The following CASZ1 variants were observed in gnomAD, a reference collection of about 807,000 sequenced individuals.
CASZ1 encodes castor zinc finger 1.
A neutral mutation model predicts 135.2 loss-of-function variants in CASZ1; 28 were observed. That is an observed-to-expected ratio of 0.21 (90% CI 0.15 to 0.28). CASZ1 has a LOEUF of 0.28. Ranked by LOEUF, CASZ1 falls within the 10% of genes least tolerant of loss-of-function variation. The probability of loss-of-function intolerance (pLI) is 1.00; values close to 1 mark genes in which losing one functional copy is unlikely to be tolerated. For missense variants in CASZ1, 2,161 were observed against 2,453.3 expected, an observed-to-expected ratio of 0.88 and a Z score of 2.52; for synonymous variants, 1,068 against 1,073.4, an observed-to-expected ratio of 0.99 and a Z score of 0.10.
At chr1:10,661,040 T>C (rs958502746) in intron 5 of CASZ1, 11 of 186,008 alleles carry the variant, frequency 5.9e-5, no homozygotes, top group Non-Finnish European at 1.1e-4. Context: ...AGGACCTCCC[T>C]TGACCCCACA....
chr1:10,660,158 G>A lies in CASZ1; in HGVS notation c.884C>T (p.Pro295Leu), dbSNP rs373528343. ...LETKATILPLPSHSSVQMQNL... is the reference protein window; with the variant it reads ...LETKATILPLLSHSSVQMQNL... ...CTGCATCTGGACACTGCTGTGCGACGGCAGGGGCAGGATGGTGGCCTTGGT... is the reference window on the plus strand; with the variant it reads ...CTGCATCTGGACACTGCTGTGCGACAGCAGGGGCAGGATGGTGGCCTTGGT... Residue 295 changes from proline (P) to leucine (L), a missense_variant, in exon 6 of 21, where the codon CCG (proline) becomes CTG (leucine). Pro to Leu is a moderately conservative substitution (Grantham distance 98, BLOSUM62 -3). This residue lies in a region of CASZ1 where 590 missense variants were observed against 609.8 expected (regional missense o/e 0.97). Coordinates refer to ENST00000377022, the MANE Select transcript of CASZ1 (RefSeq NM_001079843.3). 7.4e-6 allele frequency: 12 copies of A among 1,613,932 alleles called. No individual in the cohort carries two copies. Among genetic ancestry groups the A allele is most frequent in the Middle Eastern group, 1.6e-4 (1 of 6,084 alleles).
At position 10,711,969 on chromosome 1, in the gene CASZ1, TG is replaced by T. The variant is rs1253074252; in HGVS notation, c.-76-6426del. Reference sequence around the variant, plus strand: ...TGCTAAGGGGTTCAGGGTTTCTGTCTGGAGTGATGAAAAAGTTCTGGAACTA... The same window carrying T: ...TGCTAAGGGGTTCAGGGTTTCTGTCTGAGTGATGAAAAAGTTCTGGAACTA... On this transcript the variant is annotated intron_variant, in intron 2 of 20. Coordinates refer to ENST00000377022, the MANE Select transcript of CASZ1 (RefSeq NM_001079843.3). This position sits in a 1 kb window ranked among gnomAD's most constrained non-coding sequence, Gnocchi z 4.4. Among the ~76,000 whole-genome samples, 38 of 152,308 alleles carry T rather than the reference TG, an allele frequency of 2.5e-4. No homozygotes were observed. The highest frequency in any genetic ancestry group is 8.7e-4 in the African/African-American group (36 of 41,568).
In CASZ1 at chr1:10,792,339, CCGG is replaced by C. The variant is rs1192996350; in HGVS notation, c.-234+4222_-234+4224del. The stretch of plus-strand genomic sequence containing the variant: ...ACCCCTCCCCCCCGCCCCCCCCCCC[CCGG>C]CCCCGCACACAAAGTAAATGGAAAT... On this transcript the variant is annotated intron_variant, in intron 1 of 20. Coordinates refer to ENST00000377022, the MANE Select transcript of CASZ1 (RefSeq NM_001079843.3). 4.0e-4 allele frequency among the ~76,000 whole-genome samples: 14 copies of C among 34,796 alleles called. 1 individual carries two copies. Among genetic ancestry groups the C allele is most frequent in the Non-Finnish European group, 5.7e-4 (7 of 12,326 alleles). 22.8% of individuals were successfully genotyped at this position (34,796 alleles called of 152,430 possible).
rs1638804201 is a variant in CASZ1 at position 10,692,614 on chromosome 1, C to T, written c.16+1260G>A. Among the ~76,000 whole-genome samples the T allele has an allele frequency of 1.3e-5, 2 of 152,168 alleles. 1 individual carries two copies. The highest frequency in any genetic ancestry group is 1.3e-4 in the Admixed American group (2 of 15,282). On this transcript the variant is annotated intron_variant, in intron 4 of 20. Coordinates refer to ENST00000377022, the MANE Select transcript of CASZ1 (RefSeq NM_001079843.3). ...CCCAGGCCCTCCACGTCAGACCAGC[C>T]AAGATCACACCTGGTGTCACACAGT...
chr1:10,678,438 T>G (rs956749050), intron 4 of CASZ1, among the ~76,000 whole-genome samples: 1 of 140,496 alleles, frequency 7.1e-6, no homozygotes, highest in Non-Finnish European at 1.6e-5. Context: ...GGGGGTCTGT[T>G]CCAGAGTGGG....
chr1:10,648,234 T>C, intron 15 of CASZ1, 95 bp from the exon 16 acceptor site: 1 of 905,680 alleles, frequency 1.1e-6, no homozygotes. Context: ...GACCCCGGTG[T>C]CCGTCCCTAC....
At chr1:10,746,857 T>C (rs1640050729) in intron 2 of CASZ1, among the ~76,000 whole-genome samples, 1 of 152,254 alleles carries the variant, frequency 6.6e-6, no homozygotes, top group Non-Finnish European at 1.5e-5. Context: ...CCAAAAGCCC[T>C]GGCTCCTGGG....
rs751022373 is a variant in CASZ1, at chr1:10,654,056, G to A, written c.2001C>T (p.His667=). The A allele has an allele frequency of 6.2e-7, 1 of 1,614,130 alleles. No homozygotes were observed. The highest frequency in any genetic ancestry group is 8.5e-7 in the Non-Finnish European group (1 of 1,180,048). The change falls in exon 11 of 21, where the codon CAC becomes CAT. Residue 667 remains histidine (H), a synonymous_variant. Transcript: ENST00000377022. ...CGCAGCCGGCGCGGATGCAGTGGAA[G>A]TGGTTGGTAGCCTTGCTGTACACGC... ...EGCVYSKATN[H]FHCIRAGCGF...
Position 10,725,290 on chromosome 1 carries a change from G to A in CASZ1, c.-76-19746C>T, listed in dbSNP as rs901183222. Reference sequence around the variant, plus strand: ...TGCCAGGCCCCTCCACCGTGCCAATGCCAACACCGTGGCCGCCTCCCGCTG... The same window carrying A: ...TGCCAGGCCCCTCCACCGTGCCAATACCAACACCGTGGCCGCCTCCCGCTG... On this transcript the variant is annotated intron_variant, in intron 2 of 20. Coordinates refer to ENST00000377022, the MANE Select transcript of CASZ1 (RefSeq NM_001079843.3). The surrounding 1 kb of genome is among the most constrained non-coding windows in gnomAD (Gnocchi z 4.4). Among the ~76,000 whole-genome samples the A allele has an allele frequency of 1.3e-5, 2 of 152,248 alleles. No homozygotes were observed. The highest frequency in any genetic ancestry group is 4.8e-5 in the African/African-American group (2 of 41,464).
At chr1:10,753,650 C>T (rs557490831) in intron 2 of CASZ1, among the ~76,000 whole-genome samples, 10 of 152,126 alleles carry the variant, frequency 6.6e-5, no homozygotes, top group South Asian at 4.1e-4. Flanking sequence ...TGTTTCTGAG[C>T]GGCTCCCCAG....
At chr1:10,702,738 G>A (rs1283033417) in intron 3 of CASZ1, among the ~76,000 whole-genome samples, 1 of 152,188 alleles carries the variant, frequency 6.6e-6, no homozygotes, top group Non-Finnish European at 1.5e-5. Flanking sequence ...CGGGGGAAGT[G>A]GCCACGGTGG....
intron 1 of CASZ1, among the ~76,000 whole-genome samples, chr1:10,770,355 G>T (rs1376041633): frequency 6.6e-6 from 1 of 152,214 alleles, no homozygotes; most frequent in Admixed American, 6.5e-5. Flanking sequence ...AAAGTGCTGG[G>T]AGTACAGGTG....
At chr1:10,736,732 C>T (rs535549254) in intron 2 of CASZ1, among the ~76,000 whole-genome samples, 2 of 152,244 alleles carry the variant, frequency 1.3e-5, no homozygotes, top group African/African-American at 4.8e-5. Flanking sequence ...GAGTGAACCA[C>T]CAGCTTGTCC....
At chr1:10,655,498 A>T (rs1570421926) in intron 9 of CASZ1, 151 bp downstream of exon 9, 2 of 767,694 alleles carry the variant, frequency 2.6e-6, no homozygotes, top group East Asian at 5.4e-5. Flanking sequence ...CTCGCTGGCC[A>T]TCCCTGTGCT....
At chr1:10,795,595 T>G (rs1641050887) in intron 1 of CASZ1, among the ~76,000 whole-genome samples, 1 of 151,960 alleles carries the variant, frequency 6.6e-6, no homozygotes, top group Non-Finnish European at 1.5e-5. Flanking sequence ...CGGCAACAAC[T>G]CGCCCGAACT....
At position 10,693,920 on chromosome 1, in the gene CASZ1, G is replaced by A; in HGVS notation, c.-23-8C>T. 1 of 1,612,602 alleles carries A rather than the reference G, an allele frequency of 6.2e-7. No homozygotes were observed. Among genetic ancestry groups the A allele is most frequent in the Non-Finnish European group, 8.5e-7 (1 of 1,179,174 alleles). On this transcript the variant is annotated splice_region_variant and splice_polypyrimidine_tract_variant and intron_variant, in intron 3 of 20. Transcript: ENST00000377022. ...TCTCCTTGGTCCCAAACTCTTCGCA[G>A]AACGCCACCAGGGGAAGACCGGGAG... is the stretch of plus-strand genomic sequence containing the variant.
At position 10,767,959 on chromosome 1, in the gene CASZ1, C is replaced by A. The variant is rs1443780867; in HGVS notation, c.-233-7102G>T. 6.6e-6 allele frequency among the ~76,000 whole-genome samples: 1 copy of A among 152,132 alleles called. No individual in the cohort carries two copies. The highest frequency in any genetic ancestry group is 2.4e-5 in the African/African-American group (1 of 41,396). ...CATTGCAAGGTCTTCCTGGAGCAGA[C>A]CCCAGACCTGGGACCCCAGACTCCA... is the stretch of plus-strand genomic sequence containing the variant. On this transcript the variant is annotated intron_variant, in intron 1 of 20. Transcript: ENST00000377022. The surrounding 1 kb of genome is among the most constrained non-coding windows in gnomAD (Gnocchi z 4.2).
chr1:10,648,481 C>T (rs1642446073), intron 15 of CASZ1: 3 of 272,002 alleles, frequency 1.1e-5, no homozygotes, highest in Admixed American at 9.4e-5. Flanking sequence ...GTAGGATTCT[C>T]AGTATTCACA....
chr1:10,643,146 G>GA lies in CASZ1; in HGVS notation c.4020+13_4020+14insT. The GA allele has an allele frequency of 6.2e-7, 1 of 1,609,464 alleles. No individual in the cohort carries two copies. The highest frequency in any genetic ancestry group is 2.1e-4 in the Middle Eastern group (1 of 4,828). On this transcript the variant is annotated intron_variant, in intron 19 of 20. Transcript: ENST00000377022. ...GCCACCCTGGCTGGGCTCTCACCTG[G>GA]GGGGGGCTCTCACCTGGGAGGGGGG...
Sources: gnomAD v4.1 joint callset for allele counts (sites outside exome capture counted in the v4.1 genomes callset) on GRCh38, gnomAD v4.1.1 for gene constraint, gnomAD v4.1.1 regional missense constraint, Gnocchi (gnomAD v3.1) non-coding constraint, MANE v1.5 for transcripts, NCBI Gene and HGNC (gene_info 2026-07-23, HGNC 2026-07-21) for gene names.